Variants in BTK observed in about 807,000 individuals in gnomAD.
The protein encoded by BTK is tyrosine-protein kinase BTK.
BTK carries 5 observed loss-of-function variants against 57.4 expected under a neutral mutation model. The ratio of observed to expected loss-of-function variants is 0.09; its 90% CI spans 0.05 to 0.18. The LOEUF is 0.18. BTK is among the 10% of genes least tolerant of loss of function. BTK has a pLI of 1.00. For synonymous variants in BTK, 154 were observed against 174.3 expected (o/e 0.88, Z 0.92); for missense variants, 194 against 501.2 (o/e 0.39, Z 5.85).
intron 1 of BTK, among the ~76,000 whole-genome samples, chrX:101,379,047 G>A (rs781886714): frequency 5.5e-5 from 6 of 108,452 alleles, no homozygotes; most frequent in Admixed American, 4.0e-4. Context: ...GGTGACAGGC[G>A]CCTGTAGTCC....
chrX:101,371,436 G>T (rs1461260380), intron 4 of BTK, among the ~76,000 whole-genome samples, 197 bp downstream of exon 4: 1 of 112,009 alleles, frequency 8.9e-6, no homozygotes, highest in African/African-American at 3.2e-5. Context: ...GAGACTAAAA[G>T]AAACTATGTT....
At chrX:101,352,162 C>CAA (rs35710840) in intron 18 of BTK, among the ~76,000 whole-genome samples, 5,157 of 53,596 alleles carry the variant, frequency 0.096, 560 homozygotes, top group African/African-American at 0.3. Context: ...GACTCGGTCT[C>CAA]AAAAAAAAAA....
Position 101,375,204 on chromosome X carries a change from C to T in BTK, c.81G>A (p.Lys27=), listed in dbSNP as rs782089871. ...KKKTSPLNFK[K]RLFLLTVHKL... is the part of the protein sequence containing the mutation. ...TGTGCACGGTCAAGAGAAACAGGCG[C>T]TTCTTGAAGTTTAGAGGTGATGTTT... The change falls in exon 2 of 19, where the codon AAG becomes AAA. Residue 27 remains lysine, a synonymous_variant. Transcript: ENST00000308731. The T allele has an allele frequency of 2.5e-6, 3 of 1,211,443 alleles. No homozygotes were observed. The Admixed American group carries it at 6.5e-5, about 26-fold the overall frequency.
intron 18 of BTK, 117 bp from the exon 19 acceptor site, chrX:101,350,073 C>G: frequency 2.2e-6 from 1 of 461,796 alleles, no homozygotes; most frequent in Non-Finnish European, 3.7e-6. Context: ...GTAGCATGCC[C>G]TGTCGATTAC....
At chrX:101,360,791 A>G in intron 7 of BTK, 36 bp from the exon 8 acceptor site, 2 of 1,161,078 alleles carry the variant, frequency 1.7e-6, no homozygotes, top group Non-Finnish European at 2.4e-6. Context: ...AGGGTTTGTC[A>G]AGATACCAAG....
chrX:101,381,000 C>T (rs1302044643), intron 1 of BTK, among the ~76,000 whole-genome samples: 2 of 78,473 alleles, frequency 2.5e-5, no homozygotes, highest in Non-Finnish European at 2.3e-5. Context: ...GAGTGAAACT[C>T]GGTCGCGAAA....
Position 101,375,322 on chromosome X carries a change from T to C in BTK, c.-30-8A>G, listed in dbSNP as rs141059733. The C allele has an allele frequency of 2.5e-6, 3 of 1,206,545 alleles. No individual in the cohort carries two copies. Among genetic ancestry groups the C allele is most frequent in the East Asian group, 3.0e-5 (1 of 33,773 alleles). On this transcript the variant is annotated splice_polypyrimidine_tract_variant and splice_region_variant and intron_variant, in intron 1 of 18. Transcript: ENST00000308731. The stretch of plus-strand genomic sequence containing the variant: ...CTGGAGTTCACCTGTGTGCTGTTGA[T>C]AATGAAAGTTCCTGAGGACCCAGGA...
At chrX:101,358,576 C>A in intron 11 of BTK, 41 bp downstream of exon 11, 1 of 1,180,975 alleles carries the variant, frequency 8.5e-7, no homozygotes, top group Non-Finnish European at 1.2e-6. Context: ...GGAGGGTACC[C>A]CTGTTCTTTG....
intron 1 of BTK, among the ~76,000 whole-genome samples, chrX:101,383,217 A>G (rs1883787): frequency 0.031 from 3,434 of 111,434 alleles, 120 homozygotes; most frequent in African/African-American, 0.093. Context: ...CTATGTATGT[A>G]TGTATGCATG....
intron 7 of BTK, 122 bp from the exon 8 acceptor site, chrX:101,360,877 G>C: frequency 1.5e-6 from 1 of 683,506 alleles, no homozygotes; most frequent in Admixed American, 2.5e-5. Context: ...TTACTCAGCA[G>C]TCATTCAACA....
intron 4 of BTK, among the ~76,000 whole-genome samples, chrX:101,370,949 G>C (rs1164490083): frequency 3.6e-5 from 4 of 112,335 alleles, no homozygotes; most frequent in Non-Finnish European, 7.5e-5. Context: ...ACACGAACAA[G>C]ATCCTTTTAC....
At position 101,349,857 on chromosome X, in the gene BTK, A is replaced by C; in HGVS notation, c.*28T>G. On this transcript the variant is annotated 3_prime_UTR_variant, in exon 19 of 19. Transcript: ENST00000308731. ...GAAATTGGGGCTTGTGGAGAAGAGA[A>C]GTAGAACCAAGAAGCTTATTGGCGA... The C allele has an allele frequency of 8.6e-7, 1 of 1,162,338 alleles. No individual in the cohort carries two copies. The highest frequency in any genetic ancestry group is 1.2e-6 in the Non-Finnish European group (1 of 851,073).
At chrX:101,352,511 TC>T (rs1476480328) in intron 18 of BTK, among the ~76,000 whole-genome samples, 1 of 112,021 alleles carries the variant, frequency 8.9e-6, no homozygotes, top group Non-Finnish European at 1.9e-5. Context: ...ATGCCTCTAA[TC>T]CCAGCACTTT....
chrX:101,376,366 A>T (rs1173158947), intron 1 of BTK, among the ~76,000 whole-genome samples: 4 of 112,310 alleles, frequency 3.6e-5, no homozygotes, highest in Non-Finnish European at 5.6e-5. Context: ...GGTGGCTCAC[A>T]TCTGTAATCC....
At chrX:101,359,244 T>A in intron 10 of BTK, 49 bp downstream of exon 10, 1 of 1,184,032 alleles carries the variant, frequency 8.4e-7, no homozygotes, top group Non-Finnish European at 1.1e-6. Flanking sequence ...CAGTTCAAGA[T>A]CCTCACTTAT....
At chrX:101,379,265 G>A (rs1457907734) in intron 1 of BTK, among the ~76,000 whole-genome samples, 10 of 111,117 alleles carry the variant, frequency 9.0e-5, no homozygotes, top group South Asian at 3.8e-4. Context: ...TATGAGATAT[G>A]ATTTAAAATA....
At chrX:101,375,415 G>A in intron 1 of BTK, 101 bp from the exon 2 acceptor site, 2 of 828,834 alleles carry the variant, frequency 2.4e-6, no homozygotes, top group South Asian at 4.2e-5. Flanking sequence ...ACAAAAATGT[G>A]CACAGCTCAC....
At chrX:101,389,825 C>G, upstream of BTK, among the ~76,000 whole-genome samples, 1 of 111,967 alleles carries the variant, frequency 8.9e-6, no homozygotes, top group African/African-American at 3.3e-5. Context: ...AACTTAACAT[C>G]TCTTGTGCCT....
At chrX:101,389,761 G>T (rs137963548), upstream of BTK, among the ~76,000 whole-genome samples, 384 of 111,366 alleles carry the variant, frequency 3.4e-3, no homozygotes, top group Non-Finnish European at 5.6e-3. Context: ...GACTACCTAG[G>T]ATCAAATTCC....
Sources: allele counts gnomAD v4.1 joint callset (sites outside exome capture counted in the v4.1 genomes callset), GRCh38; gene constraint gnomAD v4.1.1; transcripts MANE v1.5; gene names NCBI Gene and HGNC (gene_info 2026-07-23, HGNC 2026-07-21).